PSD3: variants seen among roughly 807,000 people sequenced by gnomAD.
The protein encoded by PSD3 is pleckstrin and Sec7 domain containing 3, also known as PH and SEC7 domain-containing protein 3.
PSD3 carries 49 observed loss-of-function variants against 105.5 expected under a neutral mutation model. The ratio of observed to expected loss-of-function variants is 0.46; its 90% CI spans 0.37 to 0.59. The LOEUF (loss-of-function observed/expected upper bound fraction) is 0.59. Ranked by LOEUF, PSD3 falls within the 20% of genes least tolerant of loss-of-function variation. The pLI is 0.00. For synonymous variants in PSD3, 557 were observed against 457.8 expected, an observed-to-expected ratio of 1.22 and a Z score of -2.77; for missense variants, 1,561 against 1,263.8, an observed-to-expected ratio of 1.24 and a Z score of -3.57.
At chr8:18,818,170 G>T (rs371830691) in intron 4 of PSD3, among the ~76,000 whole-genome samples, 2 of 152,054 alleles carry the variant, frequency 1.3e-5, no homozygotes, top group Admixed American at 1.3e-4. Flanking sequence ...GGCCAGGCTG[G>T]TCTCAAACTC....
At chr8:18,956,159 A>G (rs1424029047) in intron 1 of PSD3, among the ~76,000 whole-genome samples, 10 of 152,238 alleles carry the variant, frequency 6.6e-5, no homozygotes, top group Non-Finnish European at 1.3e-4. Flanking sequence ...TGATTTAAGG[A>G]AAGGCAGATC....
At chr8:18,787,780 A>C (rs1395148686) in intron 8 of PSD3, among the ~76,000 whole-genome samples, 1 of 152,184 alleles carries the variant, frequency 6.6e-6, no homozygotes, top group Non-Finnish European at 1.5e-5. Flanking sequence ...TTCCTTGATA[A>C]ATTTATCATT....
intron 9 of PSD3, among the ~76,000 whole-genome samples, chr8:18,752,566 T>TC (rs1563225478): frequency 1.0e-4 from 8 of 76,248 alleles, no homozygotes; most frequent in African/African-American, 6.0e-4. Flanking sequence ...TTATATATAT[T>TC]ATATATATAA....
At chr8:19,043,832 C>T (rs1189941970) in intron 1 of PSD3, among the ~76,000 whole-genome samples, 1 of 152,210 alleles carries the variant, frequency 6.6e-6, no homozygotes, top group African/African-American at 2.4e-5. Flanking sequence ...TGAGACAATA[C>T]TTTTCTGTTC....
intron 8 of PSD3, among the ~76,000 whole-genome samples, chr8:18,771,501 A>G (rs966019772): frequency 2.6e-5 from 4 of 152,156 alleles, no homozygotes; most frequent in South Asian, 2.1e-4. Context: ...TATTTGACCC[A>G]TTTTGAGTTC....
In PSD3 at chr8:18,707,822, G is replaced by A. The variant is rs9325839; in HGVS notation, c.2173-52137C>T. 9.5e-3 allele frequency among the ~76,000 whole-genome samples: 1,441 copies of A among 152,288 alleles called. 28 individuals are homozygous for A. Among genetic ancestry groups the A allele is most frequent in the African/African-American group, 0.033 (1,386 of 41,564 alleles). On this transcript the variant is annotated intron_variant, in intron 9 of 15. Coordinates refer to ENST00000327040, the MANE Select transcript of PSD3 (RefSeq NM_015310.4). ...AAGTTTGGGATGGGAAGTAAGAGAC[G>A]CAAAAAGGAAAGCCTGAATCAAACA...
chr8:18,617,059 A>G (rs1290479538), intron 11 of PSD3, among the ~76,000 whole-genome samples: 1 of 152,086 alleles, frequency 6.6e-6, no homozygotes, highest in Non-Finnish European at 1.5e-5. Context: ...GCATGTTAAT[A>G]AATTTGTACA....
intron 6 of PSD3, 70 bp downstream of exon 6, chr8:18,804,452 G>A (rs577905599): frequency 3.8e-6 from 5 of 1,299,568 alleles, no homozygotes; most frequent in East Asian, 2.3e-5. Flanking sequence ...CTAGCTAGAA[G>A]ACATTACTTT....
chr8:19,027,711 G>T (rs1827607829), intron 1 of PSD3, among the ~76,000 whole-genome samples: 1 of 152,052 alleles, frequency 6.6e-6, no homozygotes, highest in Non-Finnish European at 1.5e-5. Flanking sequence ...GAGCTCTTTT[G>T]TTTCTGCCCT....
intron 12 of PSD3, among the ~76,000 whole-genome samples, chr8:18,583,168 G>A (rs1008265835): frequency 6.6e-6 from 1 of 152,106 alleles, no homozygotes; most frequent in Non-Finnish European, 1.5e-5. Context: ...GCTGTGCATG[G>A]TGGCTCACAC....
At chr8:19,071,794 C>T (rs1829273182) in intron 1 of PSD3, among the ~76,000 whole-genome samples, 1 of 152,148 alleles carries the variant, frequency 6.6e-6, no homozygotes, top group Non-Finnish European at 1.5e-5. Flanking sequence ...ACTGCAGCCT[C>T]CGCCTCCCAG....
intron 4 of PSD3, among the ~76,000 whole-genome samples, chr8:18,858,310 G>A (rs1271470865): frequency 6.6e-6 from 1 of 152,128 alleles, no homozygotes; most frequent in Non-Finnish European, 1.5e-5. Context: ...AAACTTTATT[G>A]CTAAAAAATG....
intron 2 of PSD3, among the ~76,000 whole-genome samples, chr8:18,893,281 G>A (rs1818931143): frequency 1.3e-5 from 2 of 152,038 alleles, no homozygotes; most frequent in African/African-American, 2.4e-5. Context: ...ACCTGAGGGG[G>A]TTTATATAAT....
chr8:18,845,717 A>C (rs1049378435), intron 4 of PSD3, among the ~76,000 whole-genome samples: 3 of 152,210 alleles, frequency 2.0e-5, no homozygotes, highest in African/African-American at 7.2e-5. Context: ...CAGGAGGATC[A>C]TTTGAGGCCG....
At chr8:18,682,522 C>A (rs76624655) in intron 9 of PSD3, among the ~76,000 whole-genome samples, 1 of 152,082 alleles carries the variant, frequency 6.6e-6, no homozygotes, top group Non-Finnish European at 1.5e-5. Context: ...TTTGAAGACA[C>A]GTTTCTCTCT....
chr8:18,566,598 G>C (rs1301399969), intron 14 of PSD3, among the ~76,000 whole-genome samples: 1 of 151,740 alleles, frequency 6.6e-6, no homozygotes, highest in Non-Finnish European at 1.5e-5. Flanking sequence ...GGAAAGCTGA[G>C]GCCCACAAAG....
chr8:18,982,538 T>C (rs1301931370), intron 1 of PSD3, among the ~76,000 whole-genome samples: 6 of 152,190 alleles, frequency 3.9e-5, no homozygotes, highest in Non-Finnish European at 8.8e-5. Context: ...AATATATTTC[T>C]TAAATAATAA....
At chr8:18,616,628 C>CTTTTTTTTTTTTTTTTT (rs71217391) in intron 11 of PSD3, among the ~76,000 whole-genome samples, 3 of 126,774 alleles carry the variant, frequency 2.4e-5, no homozygotes, top group Middle Eastern at 5.6e-3. Context: ...CTTTTCTTTT[C>CTTTTTTTTTTTTTTTTT]TTTTTTTTTT....
chr8:18,571,021 G>A (rs147656893), intron 14 of PSD3, among the ~76,000 whole-genome samples: 35 of 152,082 alleles, frequency 2.3e-4, no homozygotes, highest in Non-Finnish European at 4.9e-4. Flanking sequence ...CACTGCGCCT[G>A]GCTAATTTTT....
Sources: gnomAD v4.1 joint callset for allele counts (sites outside exome capture counted in the v4.1 genomes callset) on GRCh38, gnomAD v4.1.1 for gene constraint, MANE v1.5 for transcripts, NCBI Gene and HGNC (gene_info 2026-07-23, HGNC 2026-07-21) for gene names.